Variants in RGS18 observed in about 807,000 individuals in gnomAD.
RGS18 encodes the protein regulator of G protein signaling 18.
RGS18 carries 22 observed loss-of-function variants against 27.6 expected under a neutral mutation model. That is an observed-to-expected ratio of 0.80 (90% CI 0.57 to 1.14). RGS18 has a LOEUF of 1.14. Ranked by LOEUF, RGS18 falls within the 50% of genes most tolerant of loss-of-function variation. RGS18 has a pLI of 0.00. For synonymous variants in RGS18, 89 were observed against 84.6 expected, an observed-to-expected ratio of 1.05 and a Z score of -0.29; for missense variants, 299 against 269.6, an observed-to-expected ratio of 1.11 and a Z score of -0.76.
chr1:192,176,170 G>T (rs141436203), intron 3 of RGS18, among the ~76,000 whole-genome samples: 1 of 151,952 alleles, frequency 6.6e-6, no homozygotes, highest in East Asian at 1.9e-4. Flanking sequence ...ATGTTGCATT[G>T]TCAGCACATT....
intron 3 of RGS18, among the ~76,000 whole-genome samples, chr1:192,171,796 G>A (rs865792618): frequency 2.0e-5 from 3 of 151,936 alleles, no homozygotes; most frequent in Non-Finnish European, 2.9e-5. Context: ...AGAGGATAAG[G>A]TCTATATAAA....
chr1:192,173,239 TACA>T (rs1395946124), intron 3 of RGS18, among the ~76,000 whole-genome samples: 1 of 152,076 alleles, frequency 6.6e-6, no homozygotes, highest in East Asian at 1.9e-4. Context: ...CAGACAAAGC[TACA>T]ACATTTATTT....
At position 192,178,572 on chromosome 1, in the gene RGS18, A is replaced by C. The variant is rs151316258; in HGVS notation, c.284-2720A>C. Among the ~76,000 whole-genome samples, 184 of 151,728 alleles carry C rather than the reference A, an allele frequency of 1.2e-3. 3 individuals carry two copies. Among genetic ancestry groups the C allele is most frequent in the African/African-American group, 4.2e-3 (174 of 41,464 alleles). On this transcript the variant is annotated intron_variant, in intron 3 of 4. Coordinates refer to ENST00000367460, the MANE Select transcript of RGS18 (RefSeq NM_130782.3). ...CCGTGCCTGCTGTTGTGGAGAGATG[A>C]AATAACATATGGATGGAAAAAAAAT...
chr1:192,181,976 A>G (rs984305407), intron 4 of RGS18, among the ~76,000 whole-genome samples: 1 of 151,592 alleles, frequency 6.6e-6, no homozygotes, highest in African/African-American at 2.4e-5. Flanking sequence ...GGCTTATTTC[A>G]CTTAACATAA....
chr1:192,178,994 A>C (rs964422737), intron 3 of RGS18, among the ~76,000 whole-genome samples: 2 of 151,560 alleles, frequency 1.3e-5, no homozygotes, highest in African/African-American at 2.4e-5. Context: ...AGGGAAGATA[A>C]AGGAAAGAAG....
intron 4 of RGS18, among the ~76,000 whole-genome samples, chr1:192,183,974 A>G (rs892291005): frequency 6.6e-6 from 1 of 151,522 alleles, no homozygotes; most frequent in African/African-American, 2.4e-5. Context: ...CAAAAGAGAG[A>G]GACAGAGTGA....
At chr1:192,172,864 C>CATATATATATATATATATATAAATATAT (rs549568195) in intron 3 of RGS18, among the ~76,000 whole-genome samples, 2 of 135,544 alleles carry the variant, frequency 1.5e-5, no homozygotes, top group Admixed American at 7.5e-5. Flanking sequence ...GAAAAATATG[C>CATATATATATATATATATATAAATATAT]ATATATATAT....
At chr1:192,173,382 C>G (rs998776063) in intron 3 of RGS18, among the ~76,000 whole-genome samples, 2 of 151,788 alleles carry the variant, frequency 1.3e-5, no homozygotes, top group African/African-American at 4.8e-5. Context: ...TTCTTCACTT[C>G]CTTCTTAGTC....
chr1:192,175,220 T>C (rs1004029710), intron 3 of RGS18, among the ~76,000 whole-genome samples: 3 of 151,930 alleles, frequency 2.0e-5, no homozygotes, highest in Non-Finnish European at 4.4e-5. Flanking sequence ...TTTAAAGTTT[T>C]TGTCTGCTAT....
intron 3 of RGS18, among the ~76,000 whole-genome samples, chr1:192,167,567 G>A (rs141920156): frequency 9.2e-4 from 139 of 151,872 alleles, no homozygotes; most frequent in Middle Eastern, 3.4e-3. Context: ...TTTCAGAAGC[G>A]CACCACCACA....
chr1:192,177,904 T>A (rs1656384397), intron 3 of RGS18, among the ~76,000 whole-genome samples: 1 of 151,628 alleles, frequency 6.6e-6, no homozygotes, highest in South Asian at 2.1e-4. Flanking sequence ...AGAATCATAA[T>A]AAAATTTGTA....
At chr1:192,162,544 A>G (rs886576653) in intron 3 of RGS18, among the ~76,000 whole-genome samples, 4 of 152,108 alleles carry the variant, frequency 2.6e-5, no homozygotes, top group Non-Finnish European at 5.9e-5. Flanking sequence ...AGGCCTCCCA[A>G]AGTGACGGGA....
intron 3 of RGS18, among the ~76,000 whole-genome samples, chr1:192,174,781 C>T (rs537066318): frequency 6.6e-6 from 1 of 151,784 alleles, no homozygotes; most frequent in Non-Finnish European, 1.5e-5. Context: ...CTTCCTGATA[C>T]TTTTCATTTA....
intron 3 of RGS18, chr1:192,169,054 G>A (rs1656211951): frequency 6.6e-6 from 1 of 152,034 alleles, no homozygotes; most frequent in South Asian, 2.1e-4. Context: ...ACAGTTCTCA[G>A]GTTCAGACTA....
At position 192,158,653 on chromosome 1, in the gene RGS18, C is replaced by T; in HGVS notation, c.16C>T (p.Leu6Phe). 2 of 1,567,028 alleles carry T rather than the reference C, an allele frequency of 1.3e-6. No homozygotes were observed. Among genetic ancestry groups the T allele is most frequent in the East Asian group, 4.6e-5 (2 of 43,726 alleles). The change falls in exon 1 of 5, where the codon CTT becomes TTT. Residue 6 changes from leucine (L) to phenylalanine (F), a missense_variant. Physicochemically the swap from Leu to Phe is conservative, Grantham distance 22. Transcript: ENST00000367460. METTL[L>F]FFSQINMCES... The stretch of plus-strand genomic sequence containing the variant: ...TAGAGAGAAGATGGAAACAACATTG[C>T]TTTTCTTTTCTCAAATAAATATGTG...
At position 192,158,699 on chromosome 1, in the gene RGS18, T is replaced by C. The variant is rs1656015996; in HGVS notation, c.62T>C (p.Phe21Ser). ...ATGTGTGAATCAAAAGAAAAAACTT[T>C]TTTCAAGTTAATACATGGTTCAGGA... ...INMCESKEKT[F>S]FKLIHGSGKE... is the part of the protein sequence containing the mutation. The change falls in exon 1 of 5, where the codon TTT becomes TCT. Residue 21 changes from phenylalanine (F) to serine (S), a missense_variant. Phe to Ser is a radical substitution (Grantham distance 155, BLOSUM62 -2). Coordinates refer to ENST00000367460, the MANE Select transcript of RGS18 (RefSeq NM_130782.3). 6.3e-7 allele frequency: 1 copy of C among 1,582,630 alleles called. No individual in the cohort carries two copies. Among genetic ancestry groups the C allele is most frequent in the African/African-American group, 1.4e-5 (1 of 73,178 alleles).
At chr1:192,160,726 G>A (rs933953727) in intron 3 of RGS18, 1 of 344,816 alleles carries the variant, frequency 2.9e-6, no homozygotes, top group African/African-American at 2.1e-5. Flanking sequence ...GAAATCTTCG[G>A]TTTTATCAAA....
chr1:192,173,700 A>C (rs1313152373), intron 3 of RGS18, among the ~76,000 whole-genome samples: 1 of 151,758 alleles, frequency 6.6e-6, no homozygotes, highest in African/African-American at 2.4e-5. Context: ...CAATTTCCCT[A>C]TGCCATATAA....
intron 3 of RGS18, among the ~76,000 whole-genome samples, chr1:192,172,890 TATATATACACATATGTATAAA>T (rs1273925797): frequency 7.0e-6 from 1 of 143,060 alleles, no homozygotes; most frequent in Non-Finnish European, 1.5e-5. Context: ...TATAAATATA[TATATATACACATATGTATAAA>T]ATCTGGGGCA....
Sources: gnomAD v4.1 joint callset for allele counts (sites outside exome capture counted in the v4.1 genomes callset) on GRCh38, gnomAD v4.1.1 for gene constraint, MANE v1.5 for transcripts, NCBI Gene and HGNC (gene_info 2026-07-23, HGNC 2026-07-21) for gene names.